PHACTR1: variants seen among roughly 807,000 people sequenced by gnomAD.
PHACTR1 encodes RPEL repeat containing 1.
Under a neutral mutation model 69.2 loss-of-function variants are expected in PHACTR1, and 16 were observed. The ratio of observed to expected loss-of-function variants is 0.23; its 90% CI spans 0.16 to 0.35. PHACTR1 has a LOEUF of 0.35. Among genes scored for constraint, PHACTR1 ranks in the 10% least tolerant of loss-of-function variants. The pLI, the probability that PHACTR1 is intolerant of heterozygous loss-of-function variation, is 1.00. For synonymous variants in PHACTR1, 312 were observed against 284.5 expected (o/e 1.10, Z -0.97); for missense variants, 510 against 734.7 (o/e 0.69, Z 3.54).
intron 5 of PHACTR1, among the ~76,000 whole-genome samples, chr6:13,134,970 G>A (rs1414752495): frequency 1.3e-5 from 2 of 151,960 alleles, no homozygotes; most frequent in Admixed American, 6.6e-5. Context: ...CAGGCTCTTC[G>A]CCACTTCACC....
At position 13,160,207 on chromosome 6, in the gene PHACTR1, T is replaced by C. The variant is rs1411256083; in HGVS notation, c.419T>C (p.Leu140Pro). 6 of 1,613,374 alleles carry C rather than the reference T, an allele frequency of 3.7e-6. No homozygotes were observed. Among genetic ancestry groups the C allele is most frequent in the Non-Finnish European group, 1.7e-6 (2 of 1,179,586 alleles). ...CCTGTTTGTCTTTTGTTTGTAGCCC[T>C]GGAAAGGAAAATATCTATGAGGCAA... ...SEKFKHTSAA[L>P]ERKISMRQSR... The change falls in exon 6 of 15, where the codon CTG (leucine) becomes CCG (proline). Residue 140 changes from leucine (L) to proline (P), a missense_variant. By Grantham distance (98) the Leu-to-Pro change is moderately conservative. This residue lies in a region of PHACTR1 where 419 missense variants were observed against 530.9 expected (regional missense o/e 0.79). Transcript: ENST00000332995.
At chr6:12,777,625 C>CTTTTTT (rs869096915) in intron 4 of PHACTR1, among the ~76,000 whole-genome samples, 72 of 99,006 alleles carry the variant, frequency 7.3e-4, no homozygotes, top group African/African-American at 1.1e-3. Context: ...CTTTCTTCTT[C>CTTTTTT]TTTTTTTTTT....
intron 7 of PHACTR1, among the ~76,000 whole-genome samples, chr6:13,188,893 G>A (rs1360369070): frequency 6.6e-6 from 1 of 152,216 alleles, no homozygotes; most frequent in Non-Finnish European, 1.5e-5. Context: ...GTTGTGTAAT[G>A]AATGTGATCT....
chr6:13,091,461 A>G (rs1813276075), intron 5 of PHACTR1, among the ~76,000 whole-genome samples: 2 of 152,226 alleles, frequency 1.3e-5, no homozygotes, highest in South Asian at 4.1e-4. Context: ...GAATGAGAAC[A>G]TAGCTTAGAG....
chr6:13,216,237 G>C (rs1031741204), intron 8 of PHACTR1, among the ~76,000 whole-genome samples: 3 of 152,128 alleles, frequency 2.0e-5, no homozygotes, highest in African/African-American at 7.2e-5. Context: ...TACATTTCAT[G>C]GTTACAATTA....
At chr6:13,202,622 C>T (rs1583903148) in intron 7 of PHACTR1, among the ~76,000 whole-genome samples, 1 of 152,238 alleles carries the variant, frequency 6.6e-6, no homozygotes, top group Middle Eastern at 3.4e-3. Context: ...GGATTACAGG[C>T]ACCTGCCACC....
At chr6:12,846,967 C>G (rs1779344717) in intron 4 of PHACTR1, among the ~76,000 whole-genome samples, 1 of 147,554 alleles carries the variant, frequency 6.8e-6, no homozygotes, top group African/African-American at 2.6e-5. Flanking sequence ...ACGCCACACA[C>G]CCTGCTAATT....
At chr6:13,119,889 T>C (rs1428452456) in intron 5 of PHACTR1, among the ~76,000 whole-genome samples, 1 of 152,186 alleles carries the variant, frequency 6.6e-6, no homozygotes, top group Non-Finnish European at 1.5e-5. Context: ...GTCTGAGTGG[T>C]AAGAGCGTGT....
chr6:13,281,174 T>A, intron 12 of PHACTR1: 1 of 1,243,232 alleles, frequency 8.0e-7, no homozygotes, highest in Non-Finnish European at 1.0e-6. Flanking sequence ...AGATAGGACA[T>A]TAGTAAAATC....
Position 12,969,962 on chromosome 6 carries a change from TAAAACAA to T in PHACTR1, c.251-83386_251-83380del, listed in dbSNP as rs377428584. On this transcript the variant is annotated intron_variant, in intron 4 of 14. Coordinates refer to ENST00000332995, the MANE Select transcript of PHACTR1 (RefSeq NM_030948.6). ...TGGGTGATAGAGTGAGACTCCATCT[TAAAACAA>T]AAAACAAAAAACAAAACAAAAACCA... Among the ~76,000 whole-genome samples the T allele has an allele frequency of 4.1e-3, 618 of 152,162 alleles. 1 individual carries two copies. The highest frequency in any genetic ancestry group is 6.9e-3 in the Non-Finnish European group (466 of 67,990).
chr6:12,848,377 G>A (rs1779500196), intron 4 of PHACTR1, among the ~76,000 whole-genome samples: 2 of 152,106 alleles, frequency 1.3e-5, no homozygotes, highest in South Asian at 4.1e-4. Context: ...ACACATAAGG[G>A]TGCTTGCTCA....
chr6:12,959,976 A>G (rs1203455742), intron 4 of PHACTR1, among the ~76,000 whole-genome samples: 2 of 152,196 alleles, frequency 1.3e-5, no homozygotes, highest in African/African-American at 4.8e-5. Context: ...TCCAACATTT[A>G]TGGGACAACT....
At chr6:12,720,778 C>T (rs1762017224) in intron 3 of PHACTR1, among the ~76,000 whole-genome samples, 1 of 152,188 alleles carries the variant, frequency 6.6e-6, no homozygotes, top group Non-Finnish European at 1.5e-5. Flanking sequence ...TAAGCAAGAG[C>T]TCCAGGGATG....
At chr6:13,105,692 A>G (rs1327652654) in intron 5 of PHACTR1, among the ~76,000 whole-genome samples, 1 of 152,170 alleles carries the variant, frequency 6.6e-6, no homozygotes, top group African/African-American at 2.4e-5. Flanking sequence ...TGGCTTAGTA[A>G]TTCTCCAGAA....
chr6:13,112,270 G>T (rs1244828952), intron 5 of PHACTR1, among the ~76,000 whole-genome samples: 1 of 152,116 alleles, frequency 6.6e-6, no homozygotes, highest in African/African-American at 2.4e-5. Flanking sequence ...TTTTTATCCA[G>T]TCTATCATTG....
At chr6:13,281,909 C>T (rs1022639477) in intron 12 of PHACTR1, among the ~76,000 whole-genome samples, 3 of 152,320 alleles carry the variant, frequency 2.0e-5, no homozygotes, top group Non-Finnish European at 2.9e-5. Context: ...GCAGGGGGGC[C>T]GGCACCAGAG....
At position 12,888,782 on chromosome 6, in the gene PHACTR1, G is replaced by C. The variant is rs150053564; in HGVS notation, c.250+138992G>C. On this transcript the variant is annotated intron_variant, in intron 4 of 14. Coordinates refer to ENST00000332995, the MANE Select transcript of PHACTR1 (RefSeq NM_030948.6). ...TGTATTTCTCTCTCACGTTATATGT[G>C]TGCTTGGTGGTCACCTATGGCTCAG... 9.9e-5 allele frequency among the ~76,000 whole-genome samples: 15 copies of C among 152,272 alleles called. 1 individual carries two copies. The highest frequency in any genetic ancestry group is 3.6e-4 in the African/African-American group (15 of 41,546).
At position 13,115,705 on chromosome 6, in the gene PHACTR1, C is replaced by T. The variant is rs138259513; in HGVS notation, c.416-44499C>T. On this transcript the variant is annotated intron_variant, in intron 5 of 14. Transcript: ENST00000332995. ...CAGGCGTTTCCAGGCTCCACGTAGG[C>T]TGTATAAAGGGCTTGGGGCAGATAA... is the stretch of plus-strand genomic sequence containing the variant. Among the ~76,000 whole-genome samples, 431 of 152,272 alleles carry T rather than the reference C, an allele frequency of 2.8e-3. 1 individual carries two copies. The highest frequency in any genetic ancestry group is 9.6e-3 in the African/African-American group (401 of 41,556).
At chr6:12,942,989 A>G (rs977822222) in intron 4 of PHACTR1, among the ~76,000 whole-genome samples, 1 of 152,224 alleles carries the variant, frequency 6.6e-6, no homozygotes, top group Non-Finnish European at 1.5e-5. Context: ...TAGAATTACC[A>G]TATGACCCAG....
Sources: gnomAD v4.1 joint callset for allele counts (sites outside exome capture counted in the v4.1 genomes callset) on GRCh38, gnomAD v4.1.1 for gene constraint, gnomAD v4.1.1 regional missense constraint, MANE v1.5 for transcripts, NCBI Gene and HGNC (gene_info 2026-07-23, HGNC 2026-07-21) for gene names.